GPC6: variants seen among roughly 807,000 people sequenced by gnomAD.
The protein encoded by GPC6 is glypican-6.
In GPC6, 14 loss-of-function variants were observed where a neutral mutation model predicts 55.2. The ratio of observed to expected loss-of-function variants is 0.25; its 90% CI spans 0.17 to 0.40. The LOEUF (loss-of-function observed/expected upper bound fraction) is 0.40, where lower values mean the gene tolerates loss of function less well. Ranked by LOEUF, GPC6 falls within the 10% of genes least tolerant of loss-of-function variation. The probability of loss-of-function intolerance (pLI) is 1.00; values close to 1 mark genes in which losing one functional copy is unlikely to be tolerated. For synonymous variants in GPC6, 278 were observed against 259.6 expected, an observed-to-expected ratio of 1.07 and a Z score of -0.68; for missense variants, 641 against 708.5, an observed-to-expected ratio of 0.90 and a Z score of 1.08.
At chr13:94,347,121 A>G (rs576815740) in intron 6 of GPC6, among the ~76,000 whole-genome samples, 1 of 152,236 alleles carries the variant, frequency 6.6e-6, no homozygotes, top group South Asian at 2.1e-4. Flanking sequence ...GGGTGATGTT[A>G]TATTTGAGCA....
rs116650598 is a variant in GPC6, at chr13:93,485,627, G to A, written c.161-59636G>A. On this transcript the variant is annotated intron_variant, in intron 1 of 8. Transcript: ENST00000377047. ...ATGTTCCAAATTTGTTTATGAATAA[G>A]TTTAATTGAGTGTTGAGAAAGCAAA... 5.8e-3 allele frequency among the ~76,000 whole-genome samples: 889 copies of A among 152,258 alleles called. 8 individuals carry two copies. Among genetic ancestry groups the A allele is most frequent in the African/African-American group, 0.02 (846 of 41,542 alleles).
intron 4 of GPC6, among the ~76,000 whole-genome samples, chr13:94,211,923 A>T (rs939407184): frequency 6.6e-6 from 1 of 152,202 alleles, no homozygotes; most frequent in African/African-American, 2.4e-5. Context: ...TATATTTTAC[A>T]CCTAGGAGAT....
At chr13:93,385,675 C>T (rs2139210194) in intron 1 of GPC6, among the ~76,000 whole-genome samples, 1 of 152,216 alleles carries the variant, frequency 6.6e-6, no homozygotes, top group Non-Finnish European at 1.5e-5. Flanking sequence ...GTGCTTCCTC[C>T]CTTTCTCTAA....
intron 2 of GPC6, among the ~76,000 whole-genome samples, chr13:93,590,197 T>A (rs181936588): frequency 6.6e-6 from 1 of 152,320 alleles, no homozygotes; most frequent in Admixed American, 6.5e-5. Context: ...AGATAGGAGT[T>A]TGCTAAATAG....
At chr13:93,756,715 T>G (rs1412389034) in intron 2 of GPC6, among the ~76,000 whole-genome samples, 3 of 152,154 alleles carry the variant, frequency 2.0e-5, no homozygotes. Context: ...GATGAAGCCC[T>G]AAGAAATGAA....
intron 1 of GPC6, among the ~76,000 whole-genome samples, chr13:93,380,569 G>A (rs1458073723): frequency 6.6e-6 from 1 of 152,122 alleles, no homozygotes; most frequent in Non-Finnish European, 1.5e-5. Flanking sequence ...TTTAGAAAGA[G>A]CATTTTGATT....
chr13:93,238,548 A>G (rs187736409), intron 1 of GPC6, among the ~76,000 whole-genome samples: 2 of 152,056 alleles, frequency 1.3e-5, no homozygotes, highest in Admixed American at 1.3e-4. Context: ...CCTCTTTTCT[A>G]ACTGGAATGC....
At chr13:93,510,714 G>A (rs1043518565) in intron 1 of GPC6, among the ~76,000 whole-genome samples, 2 of 151,642 alleles carry the variant, frequency 1.3e-5, no homozygotes, top group East Asian at 1.9e-4. Context: ...TGTGTTTGTC[G>A]TTTTTTGAAT....
intron 3 of GPC6, among the ~76,000 whole-genome samples, chr13:93,943,936 T>C (rs1878861040): frequency 6.6e-6 from 1 of 151,966 alleles, no homozygotes; most frequent in Non-Finnish European, 1.5e-5. Context: ...TGGTGCATGA[T>C]TTTTTTTCTC....
At chr13:94,081,428 G>A (rs1012366125) in intron 4 of GPC6, among the ~76,000 whole-genome samples, 7 of 152,122 alleles carry the variant, frequency 4.6e-5, no homozygotes, top group African/African-American at 1.7e-4. Context: ...TTACCACAAA[G>A]GAGTATAACA....
chr13:93,771,834 GT>G (rs1463997725), intron 2 of GPC6, among the ~76,000 whole-genome samples: 1 of 152,058 alleles, frequency 6.6e-6, no homozygotes, highest in Non-Finnish European at 1.5e-5. Context: ...ACATGAAAAT[GT>G]TTCTTCTCCT....
chr13:93,670,938 A>C (rs1046311322), intron 2 of GPC6, among the ~76,000 whole-genome samples: 1 of 152,170 alleles, frequency 6.6e-6, no homozygotes, highest in Non-Finnish European at 1.5e-5. Flanking sequence ...TCATTCTCTA[A>C]TTTTAAAGAG....
At chr13:93,490,326 G>A (rs748609618) in intron 1 of GPC6, among the ~76,000 whole-genome samples, 1 of 151,198 alleles carries the variant, frequency 6.6e-6, no homozygotes, top group Non-Finnish European at 1.5e-5. Flanking sequence ...ACTATAATCT[G>A]TCTTCTCAAC....
chr13:93,247,155 A>AGATAG (rs1328731673), intron 1 of GPC6, among the ~76,000 whole-genome samples: 6 of 152,126 alleles, frequency 3.9e-5, no homozygotes. Context: ...TTCTTTAAAG[A>AGATAG]GATGTTTATA....
intron 6 of GPC6, among the ~76,000 whole-genome samples, chr13:94,307,220 T>G (rs868024977): frequency 3.9e-5 from 6 of 152,366 alleles, no homozygotes; most frequent in South Asian, 2.1e-4. Context: ...TGTTACATTT[T>G]GTTATAAATT....
chr13:94,350,426 T>C (rs1270752145), intron 6 of GPC6, among the ~76,000 whole-genome samples: 2 of 152,100 alleles, frequency 1.3e-5, no homozygotes, highest in African/African-American at 4.8e-5. Flanking sequence ...CTGGAGAATA[T>C]TTCAATTTCA....
chr13:93,415,092 C>G (rs1300700483), intron 1 of GPC6, among the ~76,000 whole-genome samples: 1 of 152,180 alleles, frequency 6.6e-6, no homozygotes, highest in East Asian at 1.9e-4. Context: ...ATGACAGACT[C>G]AACTGCATTC....
intron 1 of GPC6, among the ~76,000 whole-genome samples, chr13:93,229,384 A>G (rs991854223): frequency 2.0e-5 from 3 of 152,164 alleles, no homozygotes; most frequent in African/African-American, 7.2e-5. Context: ...ATATTTCCCA[A>G]CATGATTTCA....
intron 4 of GPC6, among the ~76,000 whole-genome samples, chr13:94,095,541 A>G (rs950733096): frequency 1.3e-5 from 2 of 152,174 alleles, no homozygotes; most frequent in Admixed American, 1.3e-4. Context: ...ACTATTCAAA[A>G]TCTGCTGTGC....
Sources: allele counts gnomAD v4.1 joint callset (sites outside exome capture counted in the v4.1 genomes callset), GRCh38; gene constraint gnomAD v4.1.1; transcripts MANE v1.5; gene names NCBI Gene and HGNC (gene_info 2026-07-23, HGNC 2026-07-21).